Variants in XKRX observed in about 807,000 individuals in gnomAD.
XKRX encodes XK related X-linked.
A neutral mutation model predicts 22.4 loss-of-function variants in XKRX; 11 were observed. The observed-to-expected ratio is 0.49, with a 90% confidence interval of 0.31 to 0.81. The LOEUF (loss-of-function observed/expected upper bound fraction) is 0.81, where lower values mean the gene tolerates loss of function less well. XKRX is among the 40% of genes least tolerant of loss of function. The pLI, the probability that XKRX is intolerant of heterozygous loss-of-function variation, is 0.05. For synonymous variants in XKRX, 114 were observed against 132.2 expected, an observed-to-expected ratio of 0.86 and a Z score of 0.94; for missense variants, 320 against 336.5, an observed-to-expected ratio of 0.95 and a Z score of 0.38.
the XKRX span, among the ~76,000 whole-genome samples, chrX:100,938,554 G>A: frequency 3.6e-5 from 4 of 111,314 alleles, no homozygotes; most frequent in Non-Finnish European, 7.5e-5. Context: ...GCTTGAACCC[G>A]GGAGGCAGAG....
chrX:100,950,428 A>G, the XKRX span, among the ~76,000 whole-genome samples: 1 of 112,559 alleles, frequency 8.9e-6, no homozygotes, highest in Non-Finnish European at 1.9e-5. Context: ...GTGCAAATAG[A>G]TAAGTCCACA....
At chrX:100,957,848 T>C in the XKRX span, among the ~76,000 whole-genome samples, 3 of 111,774 alleles carry the variant, frequency 2.7e-5, no homozygotes, top group Non-Finnish European at 5.6e-5. Context: ...CATGGTGTCC[T>C]GATTGCATCT....
the XKRX span, chrX:100,957,226 G>C: frequency 1.0e-6 from 1 of 995,790 alleles, no homozygotes; most frequent in Admixed American, 2.2e-5. Flanking sequence ...TGTCAGTATC[G>C]ATCTGATTTC....
the XKRX span, among the ~76,000 whole-genome samples, chrX:100,894,468 T>G: frequency 3.6e-5 from 4 of 111,522 alleles, no homozygotes; most frequent in African/African-American, 9.8e-5. Context: ...ATATCTGCAT[T>G]TGAATGCATT....
upstream of XKRX, among the ~76,000 whole-genome samples, chrX:100,930,998 G>C (rs2085519837): frequency 9.1e-6 from 1 of 109,667 alleles, no homozygotes; most frequent in African/African-American, 3.3e-5. Flanking sequence ...TGGGCGTGGT[G>C]GTGGGCACCT....
chrX:100,930,691 A>G (rs2085518713), upstream of XKRX, among the ~76,000 whole-genome samples: 1 of 111,148 alleles, frequency 9.0e-6, no homozygotes, highest in Non-Finnish European at 1.9e-5. Context: ...TAGTTGGGAC[A>G]TTCCAACTGG....
chrX:100,900,934 A>C, the XKRX span, among the ~76,000 whole-genome samples: 69 of 108,081 alleles, frequency 6.4e-4, no homozygotes, highest in Middle Eastern at 4.8e-3. Flanking sequence ...GGACTACAGG[A>C]GCCCACCACC....
the XKRX span, among the ~76,000 whole-genome samples, chrX:100,946,006 G>A: frequency 9.2e-6 from 1 of 108,560 alleles, no homozygotes; most frequent in East Asian, 2.9e-4. Context: ...CCAACATGGT[G>A]AAACCCTGTC....
chrX:100,907,861 C>T, the XKRX span, among the ~76,000 whole-genome samples: 2 of 111,277 alleles, frequency 1.8e-5, no homozygotes, highest in African/African-American at 6.5e-5. Context: ...ACATCTCTTA[C>T]ACTAGTTATA....
the XKRX span, among the ~76,000 whole-genome samples, chrX:100,897,640 T>TGTGTG: frequency 2.3e-5 from 2 of 88,099 alleles, no homozygotes; most frequent in East Asian, 3.4e-4. Flanking sequence ...TGTGTGTGTG[T>TGTGTG]TTCCTAGTTC....
chrX:100,947,437 C>T, the XKRX span, among the ~76,000 whole-genome samples: 1 of 112,399 alleles, frequency 8.9e-6, no homozygotes, highest in African/African-American at 3.2e-5. Flanking sequence ...AAATACTACA[C>T]TTCTGAAGGG....
the XKRX span, among the ~76,000 whole-genome samples, chrX:100,894,216 A>G: frequency 0.36 from 40,217 of 110,650 alleles, 6,079 homozygotes; most frequent in African/African-American, 0.58. Flanking sequence ...GTAGTGAGCC[A>G]AGATTGCGGC....
downstream of XKRX, chrX:100,911,548 A>G (rs1569453517): frequency 3.6e-6 from 2 of 559,153 alleles, no homozygotes; most frequent in Non-Finnish European, 3.2e-6. Flanking sequence ...AACTGCCATT[A>G]CTGTGATGTT....
chrX:100,917,665 G>GAAA (rs780056515), intron 2 of XKRX, among the ~76,000 whole-genome samples: 2 of 47,288 alleles, frequency 4.2e-5, no homozygotes, highest in Admixed American at 2.6e-4. Flanking sequence ...AAGAAAGAAA[G>GAAA]AAAGAAAGAA....
the XKRX span, among the ~76,000 whole-genome samples, chrX:100,951,234 CAAA>C: frequency 7.8e-5 from 2 of 25,480 alleles, no homozygotes. Context: ...GGCTCCATCG[CAAA>C]AAAAAAAAAA....
chrX:100,891,611 G>A, the XKRX span, among the ~76,000 whole-genome samples: 2 of 109,384 alleles, frequency 1.8e-5, no homozygotes, highest in Non-Finnish European at 3.8e-5. Context: ...GATTTTGGGG[G>A]CCAGGCATGG....
chrX:100,918,558 G>A (rs1490300227), intron 2 of XKRX, among the ~76,000 whole-genome samples: 1 of 111,852 alleles, frequency 8.9e-6, no homozygotes, highest in Non-Finnish European at 1.9e-5. Flanking sequence ...AAAATACACA[G>A]GCTCTGGAGG....
intron 2 of XKRX, among the ~76,000 whole-genome samples, chrX:100,921,514 G>A (rs775381449): frequency 7.2e-5 from 8 of 111,616 alleles, no homozygotes; most frequent in African/African-American, 2.6e-4. Context: ...CCTTATTTGA[G>A]ACATGGGACT....
the XKRX span, among the ~76,000 whole-genome samples, chrX:100,895,651 G>A: frequency 8.9e-6 from 1 of 112,042 alleles, no homozygotes; most frequent in African/African-American, 3.2e-5. Flanking sequence ...TGATGGGTCT[G>A]TCTTGCGGGG....
Sources: gnomAD v4.1 joint callset for allele counts (sites outside exome capture counted in the v4.1 genomes callset) on GRCh38, gnomAD v4.1.1 for gene constraint, MANE v1.5 for transcripts, NCBI Gene and HGNC (gene_info 2026-07-23, HGNC 2026-07-21) for gene names.